The following OGT variants were observed in gnomAD, a reference collection of about 807,000 sequenced individuals.
OGT encodes UDP-N-acetylglucosamine--peptide N-acetylglucosaminyltransferase 110 kDa subunit.
A neutral mutation model predicts 75.8 loss-of-function variants in OGT; 3 were observed. The ratio of observed to expected loss-of-function variants is 0.04; its 90% CI spans 0.02 to 0.10. The LOEUF is 0.10. Ranked by LOEUF, OGT falls within the 10% of genes least tolerant of loss-of-function variation. OGT has a pLI of 1.00. For missense variants in OGT, 260 were observed against 824.4 expected (o/e 0.32, Z 8.38); for synonymous variants, 257 against 289.7 (o/e 0.89, Z 1.15).
chrX:71,554,445 G>T, intron 5 of OGT, 68 bp from the exon 6 acceptor site: 1 of 742,349 alleles, frequency 1.3e-6, no homozygotes, highest in Non-Finnish European at 2.1e-6. Context: ...TAAAAAAATT[G>T]TAATTGGGAA....
chrX:71,533,190 G>A lies in OGT; in HGVS notation c.-110G>A. 1 of 767,973 alleles carries A rather than the reference G, an allele frequency of 1.3e-6. No homozygotes were observed. The highest frequency in any genetic ancestry group is 2.0e-6 in the Non-Finnish European group (1 of 511,027). The allele number at this position is 767,973 out of a possible 1,213,427, so 63.3% of individuals were successfully genotyped here. On this transcript the variant is annotated 5_prime_UTR_variant, in exon 1 of 22. Transcript: ENST00000373719. Reference sequence around the variant, plus strand: ...GCTGCCGCCGCTCAAGCCCTCCAGAGCATTGCTACGGCTGCTGCCCTTGTA... The same window carrying A: ...GCTGCCGCCGCTCAAGCCCTCCAGAACATTGCTACGGCTGCTGCCCTTGTA...
At chrX:71,554,330 G>A (rs1035493805) in intron 5 of OGT, among the ~76,000 whole-genome samples, 183 bp from the exon 6 acceptor site, 11 of 111,999 alleles carry the variant, frequency 9.8e-5, no homozygotes, top group Non-Finnish European at 2.1e-4. Context: ...GGCATGAGAA[G>A]TTATTTTGAT....
Position 71,537,819 on chromosome X carries a change from C to G in OGT, c.219-10C>G. ...CATACCCATGCATTAACACTTGTCG[C>G]CTTTTCCAGATCTGCTCACTTTAGC... On this transcript the variant is annotated splice_polypyrimidine_tract_variant and intron_variant, in intron 2 of 21. Transcript: ENST00000373719. 1 of 1,211,022 alleles carries G rather than the reference C, an allele frequency of 8.3e-7. No homozygotes were observed. The highest frequency in any genetic ancestry group is 1.1e-6 in the Non-Finnish European group (1 of 894,979).
At chrX:71,558,273 C>G (rs1022698159) in intron 12 of OGT, among the ~76,000 whole-genome samples, 3 of 108,908 alleles carry the variant, frequency 2.8e-5, no homozygotes, top group African/African-American at 1.0e-4. Flanking sequence ...TAATGGAGTG[C>G]TTGGTATTTT....
At position 71,568,325 on chromosome X, in the gene OGT, G is replaced by C. The variant is rs1326834674; in HGVS notation, c.2966+209G>C. On this transcript the variant is annotated intron_variant, in intron 21 of 21. Transcript: ENST00000373719. The stretch of plus-strand genomic sequence containing the variant: ...AAATGGCTGAATAAAAAATATTCAA[G>C]AAAATTAAAAAGCAAACGAGGGGAA... Among the ~76,000 whole-genome samples, 5 of 112,233 alleles carry C rather than the reference G, an allele frequency of 4.5e-5. No homozygotes were observed. In the Admixed American group the frequency reaches 4.7e-4, roughly 11 times the overall value.
chrX:71,553,978 G>T (rs2040326089), intron 5 of OGT, among the ~76,000 whole-genome samples: 1 of 111,756 alleles, frequency 8.9e-6, no homozygotes, highest in Admixed American at 9.5e-5. Context: ...TATTGCCAAG[G>T]TTGAGAATCA....
At chrX:71,533,393 C>G (rs1391557789) in intron 1 of OGT, 57 bp downstream of exon 1, 1 of 1,035,831 alleles carries the variant, frequency 9.7e-7, no homozygotes, top group Non-Finnish European at 1.3e-6. Flanking sequence ...GCGCCGTCCT[C>G]TACCTTGTAT....
In OGT at chrX:71,533,147, G is replaced by C. The variant is rs111342620; in HGVS notation, c.-153G>C. 4 of 515,816 alleles carry C rather than the reference G, an allele frequency of 7.8e-6. No individual in the cohort carries two copies. In the African/African-American group the frequency reaches 9.3e-5, roughly 12 times the overall value. The allele number at this position is 515,816 out of a possible 1,213,427, so 42.5% of individuals were successfully genotyped here. ...GTAGATGGTCAATTAGAGTTCCCAG[G>C]GTTTGAAGCCTGTAACTGCTGCCGC... On this transcript the variant is annotated 5_prime_UTR_variant, in exon 1 of 22. Coordinates refer to ENST00000373719, the MANE Select transcript of OGT (RefSeq NM_181672.3).
intron 4 of OGT, chrX:71,547,120 T>C (rs751373490): frequency 1.1e-5 from 8 of 753,335 alleles, no homozygotes; most frequent in Non-Finnish European, 1.3e-5. Context: ...GACCTCAACC[T>C]AGGTGCAATC....
intron 5 of OGT, among the ~76,000 whole-genome samples, chrX:71,553,374 A>G (rs2040320670): frequency 8.9e-6 from 1 of 112,192 alleles, no homozygotes. Context: ...GATTACAGGC[A>G]TGAGCCACCG....
At chrX:71,544,161 A>C (rs756742169) in intron 3 of OGT, among the ~76,000 whole-genome samples, 14 of 111,327 alleles carry the variant, frequency 1.3e-4, no homozygotes, top group Non-Finnish European at 2.3e-4. Context: ...ATAGTATTTT[A>C]TGTGAAGCTA....
At position 71,533,212 on chromosome X, in the gene OGT, T is replaced by A. The variant is rs1288148705; in HGVS notation, c.-88T>A. ...AGAGCATTGCTACGGCTGCTGCCCT[T>A]GTACTACTACCTCCAAATACGTTCT... On this transcript the variant is annotated 5_prime_UTR_variant, in exon 1 of 22. Coordinates refer to ENST00000373719, the MANE Select transcript of OGT (RefSeq NM_181672.3). 8 of 948,319 alleles carry A rather than the reference T, an allele frequency of 8.4e-6. No individual in the cohort carries two copies. The highest frequency in any genetic ancestry group is 1.2e-5 in the Non-Finnish European group (8 of 674,484). 78.2% of individuals were successfully genotyped at this position (948,319 alleles called of 1,213,427 possible). A position where few individuals can be genotyped will look rare whatever the true frequency, so the allele number is the denominator to read the frequency against.
At chrX:71,560,108 G>A (rs774870683) in intron 14 of OGT, among the ~76,000 whole-genome samples, 31 of 108,920 alleles carry the variant, frequency 2.8e-4, no homozygotes, top group African/African-American at 9.4e-4. Flanking sequence ...GTGAAACCCC[G>A]TCTCTACTAA....
intron 5 of OGT, among the ~76,000 whole-genome samples, chrX:71,550,231 C>G (rs758871739): frequency 2.7e-5 from 3 of 112,219 alleles, no homozygotes; most frequent in Non-Finnish European, 5.6e-5. Flanking sequence ...TCTTTACATC[C>G]TCACTAACAC....
At chrX:71,549,155 G>A (rs767422747) in intron 5 of OGT, among the ~76,000 whole-genome samples, 36 of 107,426 alleles carry the variant, frequency 3.4e-4, no homozygotes, top group Non-Finnish European at 6.0e-4. Flanking sequence ...AATGAGCTGG[G>A]TGTGGCAGTG....
chrX:71,559,599 T>C lies in OGT; in HGVS notation c.1773T>C (p.Tyr591=), dbSNP rs1425431860. The change falls in exon 14 of 22, where the codon TAT becomes TAC. Residue 591 remains tyrosine (Y), a synonymous_variant. Coordinates refer to ENST00000373719, the MANE Select transcript of OGT (RefSeq NM_181672.3). The part of the protein sequence containing the change: ...HNPDKFEVFC[Y]ALSPDDGTNF... ...GTGCTGCCTTTCAGGTGTTCTGTTA[T>C]GCCCTGAGCCCAGACGATGGCACAA... 4.1e-6 allele frequency: 5 copies of C among 1,209,791 alleles called. No individual in the cohort carries two copies. The highest frequency in any genetic ancestry group is 3.4e-6 in the Non-Finnish European group (3 of 893,787).
In OGT at chrX:71,562,792, G is replaced by C. The variant is rs1569429500; in HGVS notation, c.1978-55G>C. ...TAATGTATGTGACTTGATGAATTTA[G>C]AGGTAAGTGTACTGATAAAAGTTCT... On this transcript the variant is annotated intron_variant, in intron 15 of 21. Transcript: ENST00000373719. The C allele has an allele frequency of 6.0e-6, 6 of 1,002,020 alleles. No homozygotes were observed. In the East Asian group the frequency reaches 1.5e-4, roughly 26 times the overall value. The allele number at this position is 1,002,020 out of a possible 1,213,427, so 82.6% of individuals were successfully genotyped here. A position where few individuals can be genotyped will look rare whatever the true frequency, so the allele number is the denominator to read the frequency against.
At chrX:71,545,285 C>T (rs2147673243) in intron 4 of OGT, 1 of 110,988 alleles carries the variant, frequency 9.0e-6, no homozygotes, top group African/African-American at 3.3e-5. Flanking sequence ...TTATTCCTCC[C>T]CACCCCAACC....
chrX:71,563,335 T>A lies in OGT; in HGVS notation c.2272T>A (p.Cys758Ser). ...LPDVKIVKMKCPDGGDNADSS... is the reference protein window; with the variant it reads ...LPDVKIVKMKSPDGGDNADSS... ...TGATGCATTTTTTTTTCAGATGAAG[T>A]GTCCTGATGGAGGAGACAATGCAGA... The change falls in exon 18 of 22, where the codon TGT becomes AGT. Residue 758 changes from cysteine to serine, a missense_variant. Cys to Ser is a moderately radical substitution (Grantham distance 112, BLOSUM62 -1). Coordinates refer to ENST00000373719, the MANE Select transcript of OGT (RefSeq NM_181672.3). The A allele has an allele frequency of 8.3e-7, 1 of 1,207,025 alleles. No homozygotes were observed. The highest frequency in any genetic ancestry group is 1.1e-6 in the Non-Finnish European group (1 of 892,437).
Sources: allele counts gnomAD v4.1 joint callset (sites outside exome capture counted in the v4.1 genomes callset), GRCh38; gene constraint gnomAD v4.1.1; transcripts MANE v1.5; gene names NCBI Gene and HGNC (gene_info 2026-07-23, HGNC 2026-07-21).